The following DACH2 variants were observed in gnomAD, a reference collection of about 807,000 sequenced individuals.
DACH2 encodes the protein dachshund family transcription factor 2, also known as dachshund homolog 2.
In DACH2, 17 loss-of-function variants were observed where a neutral mutation model predicts 35.8. That is an observed-to-expected ratio of 0.48 (90% CI 0.33 to 0.71). The LOEUF (loss-of-function observed/expected upper bound fraction) is 0.71. Ranked by LOEUF, DACH2 falls within the 30% of genes least tolerant of loss-of-function variation. DACH2 has a pLI of 0.02. For missense variants in DACH2, 469 were observed against 472.7 expected, an observed-to-expected ratio of 0.99 and a Z score of 0.07; for synonymous variants, 195 against 177.3, an observed-to-expected ratio of 1.10 and a Z score of -0.79.
At chrX:86,773,501 A>G (rs1268107004) in intron 7 of DACH2, among the ~76,000 whole-genome samples, 3 of 112,266 alleles carry the variant, frequency 2.7e-5, no homozygotes, top group Non-Finnish European at 5.6e-5. Context: ...ATATTTTATT[A>G]GTAAATAATT....
chrX:86,688,892 T>C (rs1369549785), intron 4 of DACH2, among the ~76,000 whole-genome samples: 2 of 112,144 alleles, frequency 1.8e-5, no homozygotes, highest in Non-Finnish European at 3.8e-5. Flanking sequence ...GTAATGTGAT[T>C]ATTGCAACTG....
chrX:86,500,214 G>C (rs1182680260), intron 2 of DACH2, among the ~76,000 whole-genome samples: 5 of 111,485 alleles, frequency 4.5e-5, no homozygotes. Context: ...CACTGGTTTG[G>C]TAATAGATCA....
At chrX:86,380,928 C>T (rs1246116023) in intron 2 of DACH2, among the ~76,000 whole-genome samples, 1 of 110,095 alleles carries the variant, frequency 9.1e-6, no homozygotes, top group African/African-American at 3.3e-5. Context: ...ATATGTAAAT[C>T]TAGTTCACTT....
intron 3 of DACH2, among the ~76,000 whole-genome samples, chrX:86,592,971 A>T (rs1345970215): frequency 9.0e-6 from 1 of 111,194 alleles, no homozygotes; most frequent in African/African-American, 3.3e-5. Context: ...AGCCAGTTTT[A>T]TTTTCTTCTT....
chrX:86,222,335 T>A (rs1197018887), intron 1 of DACH2, among the ~76,000 whole-genome samples: 1 of 112,074 alleles, frequency 8.9e-6, no homozygotes, highest in Non-Finnish European at 1.9e-5. Context: ...AGATGACCTG[T>A]GCTGTATAAA....
At chrX:86,493,611 T>G (rs1188202276) in intron 2 of DACH2, among the ~76,000 whole-genome samples, 1 of 111,270 alleles carries the variant, frequency 9.0e-6, no homozygotes, top group Non-Finnish European at 1.9e-5. Flanking sequence ...CATATGTGAG[T>G]ATGTGTATAT....
intron 1 of DACH2, among the ~76,000 whole-genome samples, chrX:86,230,173 G>T (rs773957739): frequency 6.1e-4 from 68 of 110,725 alleles, no homozygotes; most frequent in African/African-American, 2.2e-3. Flanking sequence ...TTTCAGAAAG[G>T]GATGCTGGAT....
chrX:86,827,532 G>A (rs1009764940), intron 11 of DACH2, among the ~76,000 whole-genome samples: 2 of 111,149 alleles, frequency 1.8e-5, no homozygotes, highest in Non-Finnish European at 1.9e-5. Context: ...GCTCACTTTT[G>A]TATAATTTCA....
At chrX:86,652,524 C>G (rs2040488922) in intron 4 of DACH2, among the ~76,000 whole-genome samples, 1 of 112,188 alleles carries the variant, frequency 8.9e-6, no homozygotes, top group South Asian at 3.7e-4. Context: ...AATCACCATA[C>G]TGCTTTCCCT....
At chrX:86,605,529 C>T (rs767511791) in intron 3 of DACH2, among the ~76,000 whole-genome samples, 1 of 110,782 alleles carries the variant, frequency 9.0e-6, no homozygotes, top group South Asian at 3.7e-4. Context: ...CGTAATATAA[C>T]TTTTAGCCTC....
chrX:86,406,718 T>C (rs1479572824), intron 2 of DACH2, among the ~76,000 whole-genome samples: 1 of 112,023 alleles, frequency 8.9e-6, no homozygotes, highest in East Asian at 2.8e-4. Flanking sequence ...TTGAACTGAG[T>C]GCTGGAAAAA....
At chrX:86,593,472 G>A (rs969623475) in intron 3 of DACH2, among the ~76,000 whole-genome samples, 5 of 95,670 alleles carry the variant, frequency 5.2e-5, no homozygotes, top group African/African-American at 2.6e-4. Context: ...TGTCACCCAG[G>A]GTGGAGTGCA....
intron 2 of DACH2, among the ~76,000 whole-genome samples, chrX:86,509,158 C>T (rs1372122221): frequency 9.0e-6 from 1 of 111,169 alleles, no homozygotes; most frequent in African/African-American, 3.3e-5. Flanking sequence ...CTTAGTATAT[C>T]TACGCTTAAG....
In DACH2 at chrX:86,654,776, C is replaced by G. The variant is rs1181903919; in HGVS notation, c.772+3609C>G. Among the ~76,000 whole-genome samples the G allele has an allele frequency of 3.6e-5, 4 of 111,094 alleles. No individual in the cohort carries two copies. In the Admixed American group the frequency reaches 3.8e-4, roughly 11 times the overall value. On this transcript the variant is annotated intron_variant, in intron 4 of 11. Coordinates refer to ENST00000373125, the MANE Select transcript of DACH2 (RefSeq NM_053281.3). ...ATTTTATAGATCTAATTATCCTTATCTTGATGTAATGAAGTGAAGCTGACT... is the reference window on the plus strand; with the variant it reads ...ATTTTATAGATCTAATTATCCTTATGTTGATGTAATGAAGTGAAGCTGACT...
At chrX:86,538,174 T>C (rs144602195) in intron 3 of DACH2, among the ~76,000 whole-genome samples, 44 of 111,492 alleles carry the variant, frequency 3.9e-4, no homozygotes, top group African/African-American at 1.3e-3. Context: ...TTCTAATATA[T>C]TGTTCCTCAT....
rs1345238527 is a variant in DACH2, at chrX:86,698,514, G to GTTTTTTTTTTTTTTTTTTTTT, written c.931+3339_931+3340insTTTTTTTTTTTTTTTTTTTTT. On this transcript the variant is annotated intron_variant, in intron 5 of 11. Coordinates refer to ENST00000373125, the MANE Select transcript of DACH2 (RefSeq NM_053281.3). The stretch of plus-strand genomic sequence containing the variant: ...TTAATTTCTTCTTTTTGTTTTGTTA[G>GTTTTTTTTTTTTTTTTTTTTT]TTTTGTGTTTTTTTTTTTTTTTTTT... Among the ~76,000 whole-genome samples the GTTTTTTTTTTTTTTTTTTTTT allele has an allele frequency of 3.8e-4, 13 of 34,339 alleles. 2 individuals carry two copies. Among genetic ancestry groups the GTTTTTTTTTTTTTTTTTTTTT allele is most frequent in the Non-Finnish European group, 5.4e-4 (11 of 20,268 alleles). 29.8% of individuals were successfully genotyped at this position (34,339 alleles called of 115,157 possible). A position where few individuals can be genotyped will look rare whatever the true frequency, so the allele number is the denominator to read the frequency against.
At chrX:86,609,882 A>C (rs7887021) in intron 3 of DACH2, among the ~76,000 whole-genome samples, 21,958 of 110,566 alleles carry the variant, frequency 0.2, 1,666 homozygotes, top group South Asian at 0.36. Flanking sequence ...CCTATGGCCA[A>C]CCCCTTAAGA....
intron 1 of DACH2, among the ~76,000 whole-genome samples, chrX:86,216,037 A>G (rs1007520379): frequency 6.3e-5 from 7 of 111,728 alleles, no homozygotes; most frequent in Admixed American, 1.9e-4. Context: ...TCTAAATTAA[A>G]TATATTAATA....
chrX:86,306,124 G>T (rs917204405), intron 1 of DACH2, among the ~76,000 whole-genome samples: 1 of 111,928 alleles, frequency 8.9e-6, no homozygotes, highest in Non-Finnish European at 1.9e-5. Flanking sequence ...AAATTAATTT[G>T]TCAAAGAGAT....
Sources: gnomAD v4.1 joint callset for allele counts (sites outside exome capture counted in the v4.1 genomes callset) on GRCh38, gnomAD v4.1.1 for gene constraint, MANE v1.5 for transcripts, NCBI Gene and HGNC (gene_info 2026-07-23, HGNC 2026-07-21) for gene names.